The following SORBS2 variants were observed in gnomAD, a reference collection of about 807,000 sequenced individuals.
SORBS2 encodes the protein sorbin and SH3 domain-containing protein 2.
Under a neutral mutation model 97.7 loss-of-function variants are expected in SORBS2, and 46 were observed. That is an observed-to-expected ratio of 0.47 (90% confidence interval 0.37 to 0.60). SORBS2 has a LOEUF of 0.60. Ranked by LOEUF, SORBS2 falls within the 20% of genes least tolerant of loss-of-function variation. The pLI is 0.00. For missense variants in SORBS2, 1,316 were observed against 1,282.3 expected (o/e 1.03, Z -0.40); for synonymous variants, 476 against 473.4 (o/e 1.01, Z -0.07).
At chr4:185,594,085 G>A (rs531796749) in intron 12 of SORBS2, 150 bp from the exon 25 acceptor site, 83 of 602,098 alleles carry the variant, frequency 1.4e-4, no homozygotes, top group African/African-American at 1.4e-3. Flanking sequence ...AAAGCTTTCT[G>A]CAGGATTAAT....
At chr4:185,941,945 A>G (rs1579603364) in intron 1 of SORBS2, among the ~76,000 whole-genome samples, 1 of 152,032 alleles carries the variant, frequency 6.6e-6, no homozygotes, top group South Asian at 2.1e-4. Context: ...GTGAAACCCC[A>G]TCTCTACTAA....
chr4:185,731,888 ATATATATATATATATATATAT>A (rs1304516195), intron 2 of SORBS2, among the ~76,000 whole-genome samples: 6 of 93,616 alleles, frequency 6.4e-5, no homozygotes, highest in African/African-American at 1.6e-4. Context: ...ATATATATAT[ATATATATATATATATATATAT>A]GTCTGTTTCT....
chr4:185,752,352 T>C (rs1465126005), intron 2 of SORBS2, among the ~76,000 whole-genome samples: 1 of 152,186 alleles, frequency 6.6e-6, no homozygotes, highest in Admixed American at 6.5e-5. Flanking sequence ...CTTGGCTCAC[T>C]GCAAGCTCCG....
intron 1 of SORBS2, among the ~76,000 whole-genome samples, chr4:185,796,033 G>T (rs1475244679): frequency 6.6e-6 from 1 of 151,992 alleles, no homozygotes; most frequent in African/African-American, 2.4e-5. Context: ...TTTCTTCCTG[G>T]ATTACTGTAC....
chr4:185,939,973 G>A (rs1419983587), intron 1 of SORBS2, among the ~76,000 whole-genome samples: 1 of 152,116 alleles, frequency 6.6e-6, no homozygotes, highest in African/African-American at 2.4e-5. Context: ...TGACCTCTTG[G>A]TAGCATTTGA....
chr4:185,825,209 T>G (rs1300820962), intron 1 of SORBS2, among the ~76,000 whole-genome samples: 1 of 81,996 alleles, frequency 1.2e-5, no homozygotes, highest in Non-Finnish European at 2.8e-5. Context: ...TGTTCTGTTT[T>G]TTGTTTTTTT....
At chr4:185,651,123 A>T (rs879906926) in intron 2 of SORBS2, among the ~76,000 whole-genome samples, 4 of 152,182 alleles carry the variant, frequency 2.6e-5, no homozygotes, top group Non-Finnish European at 5.9e-5. Flanking sequence ...GGGCAGGGAG[A>T]GGAGCCCTGG....
At chr4:185,702,659 CT>C (rs35920261) in intron 2 of SORBS2, among the ~76,000 whole-genome samples, 54,122 of 147,300 alleles carry the variant, frequency 0.37, 11,121 homozygotes, top group South Asian at 0.5. Flanking sequence ...TGTTACATGA[CT>C]TTTTTTTTTT....
intron 2 of SORBS2, among the ~76,000 whole-genome samples, chr4:185,741,012 A>G (rs1161846732): frequency 6.6e-6 from 1 of 150,536 alleles, no homozygotes; most frequent in Non-Finnish European, 1.5e-5. Context: ...CACCAACTCA[A>G]ACCAGCACCA....
At chr4:185,643,389 G>A (rs2097158983) in intron 4 of SORBS2, among the ~76,000 whole-genome samples, 1 of 152,192 alleles carries the variant, frequency 6.6e-6, no homozygotes. Flanking sequence ...GGCTGGAGAG[G>A]TCAGCTGGAG....
intron 4 of SORBS2, among the ~76,000 whole-genome samples, chr4:185,678,185 G>A (rs1008299814): frequency 2.6e-5 from 4 of 152,230 alleles, no homozygotes; most frequent in Non-Finnish European, 2.9e-5. Context: ...TAGAGATTAT[G>A]TTAAAAACCG....
intron 11 of SORBS2, among the ~76,000 whole-genome samples, chr4:185,612,690 A>G (rs1580946818): frequency 6.6e-6 from 1 of 152,002 alleles, no homozygotes; most frequent in African/African-American, 2.4e-5. Flanking sequence ...GGGTTTCACC[A>G]TGTTGGTCAG....
At chr4:185,621,551 G>A (rs1394653459) in intron 7 of SORBS2, among the ~76,000 whole-genome samples, 1 of 152,070 alleles carries the variant, frequency 6.6e-6, no homozygotes, top group East Asian at 1.9e-4. Context: ...TGAAAATTTT[G>A]AATTGTAGAA....
intron 9 of SORBS2, among the ~76,000 whole-genome samples, chr4:185,617,097 A>G (rs987702114): frequency 2.0e-5 from 3 of 152,194 alleles, no homozygotes; most frequent in Non-Finnish European, 4.4e-5. Context: ...CCTTGGGTGG[A>G]CACCCTTCCT....
At chr4:185,868,531 C>T (rs1453737075) in intron 1 of SORBS2, among the ~76,000 whole-genome samples, 1 of 151,848 alleles carries the variant, frequency 6.6e-6, no homozygotes, top group African/African-American at 2.4e-5. Context: ...GGTTGAGGGG[C>T]GTGGAGGGAA....
chr4:185,764,128 T>TG (rs1285379602), intron 2 of SORBS2, among the ~76,000 whole-genome samples: 1 of 152,228 alleles, frequency 6.6e-6, no homozygotes, highest in African/African-American at 2.4e-5. Context: ...CCTGGTATCG[T>TG]GTCAACAGGA....
intron 1 of SORBS2, among the ~76,000 whole-genome samples, chr4:185,859,658 A>G (rs187768555): frequency 3.3e-4 from 50 of 152,246 alleles, no homozygotes; most frequent in African/African-American, 1.2e-3. Context: ...TGGTTTATGT[A>G]CCCATCTCCT....
rs188130175 is a variant in SORBS2 at position 185,899,669 on chromosome 4, G to A, written c.-338+56527C>T. 7.0e-4 allele frequency among the ~76,000 whole-genome samples: 107 copies of A among 152,300 alleles called. 2 individuals carry two copies. Among genetic ancestry groups the A allele is most frequent in the Admixed American group, 4.0e-3 (61 of 15,298 alleles). ...GATTGTCTAGTTGAGTCAAGGGCTTGATATCCAGAGTTGGAAAAATAAAGA... is the reference window on the plus strand; with the variant it reads ...GATTGTCTAGTTGAGTCAAGGGCTTAATATCCAGAGTTGGAAAAATAAAGA... On this transcript the variant is annotated intron_variant, in intron 1 of 20. Coordinates refer to the SORBS2 transcript ENST00000284776.
intron 1 of SORBS2, among the ~76,000 whole-genome samples, chr4:185,859,917 CAG>C (rs2099222727): frequency 6.6e-6 from 1 of 152,174 alleles, no homozygotes; most frequent in South Asian, 2.1e-4. Context: ...GTGAGTCATG[CAG>C]AGAGATGAAT....
Sources: allele counts gnomAD v4.1 joint callset (sites outside exome capture counted in the v4.1 genomes callset), GRCh38; gene constraint gnomAD v4.1.1; transcripts MANE v1.5; gene names NCBI Gene and HGNC (gene_info 2026-07-23, HGNC 2026-07-21).